The following CENPM variants were observed in gnomAD, a reference collection of about 807,000 sequenced individuals.
CENPM encodes centromere protein M, also known as interphase centromere complex protein 39.
A neutral mutation model predicts 19.6 loss-of-function variants in CENPM; 14 were observed. The ratio of observed to expected loss-of-function variants is 0.71; its 90% CI spans 0.47 to 1.11. CENPM has a LOEUF of 1.11. Ranked by LOEUF, CENPM falls within the 50% of genes most tolerant of loss-of-function variation. CENPM has a pLI of 0.00. For synonymous variants in CENPM, 114 were observed against 101.5 expected, an observed-to-expected ratio of 1.12 and a Z score of -0.74; for missense variants, 239 against 228.4, an observed-to-expected ratio of 1.05 and a Z score of -0.30.
chr22:41,928,183 G>A, the CENPM span: 1 of 427,092 alleles, frequency 2.3e-6, no homozygotes, highest in Admixed American at 2.5e-5. This position sits in a 1 kb window ranked among gnomAD's most constrained non-coding sequence, Gnocchi z 4.0. Flanking sequence ...CTATGAGTGA[G>A]GGAACTGTGA....
At chr22:41,946,295 G>T in intron 2 of CENPM, 122 bp downstream of exon 2, 1 of 840,938 alleles carries the variant, frequency 1.2e-6, no homozygotes, top group Non-Finnish European at 1.9e-6. Context: ...CAGCTACGCT[G>T]CATGCTGGGA....
chr22:41,940,721 T>C (rs2077731671), intron 5 of CENPM, among the ~76,000 whole-genome samples: 1 of 152,194 alleles, frequency 6.6e-6, no homozygotes, highest in Admixed American at 6.5e-5. Flanking sequence ...GCTGTGTCCC[T>C]GGAGCCTAGA....
At chr22:41,934,744 C>T (rs1031691679), downstream of CENPM, among the ~76,000 whole-genome samples, 4 of 152,192 alleles carry the variant, frequency 2.6e-5, no homozygotes, top group Non-Finnish European at 4.4e-5. Context: ...GTTAGCCTGG[C>T]GCCACGCTAC....
At chr22:41,937,318 T>C (rs1007780905), downstream of CENPM, among the ~76,000 whole-genome samples, 1 of 152,232 alleles carries the variant, frequency 6.6e-6, no homozygotes, top group Non-Finnish European at 1.5e-5. Context: ...TTTTTGGAGA[T>C]AGAGTCTCGC....
chr22:41,941,821 G>C (rs146473217), intron 5 of CENPM, among the ~76,000 whole-genome samples: 138 of 152,380 alleles, frequency 9.1e-4, no homozygotes, highest in African/African-American at 2.7e-3. Flanking sequence ...ATGCGTGATA[G>C]AGTCAAGTGT....
intron 4 of CENPM, chr22:41,944,597 C>T: frequency 4.5e-6 from 4 of 888,692 alleles, no homozygotes; most frequent in Non-Finnish European, 5.4e-6. Flanking sequence ...GAAAACAAAG[C>T]AATTACCGTG....
intron 5 of CENPM, among the ~76,000 whole-genome samples, chr22:41,943,208 C>T (rs1034037296): frequency 2.0e-5 from 3 of 152,186 alleles, no homozygotes; most frequent in African/African-American, 7.2e-5. Context: ...GTTAAAGAGA[C>T]GGACATACGC....
chr22:41,940,339 G>C, intron 5 of CENPM: 1 of 579,734 alleles, frequency 1.7e-6, no homozygotes, highest in South Asian at 2.1e-5. Flanking sequence ...CCACTTTCCA[G>C]CACGTCATTT....
downstream of CENPM, among the ~76,000 whole-genome samples, chr22:41,936,450 A>G (rs2146597583): frequency 6.6e-6 from 1 of 152,350 alleles, no homozygotes; most frequent in East Asian, 1.9e-4. Context: ...AGGGACTGCC[A>G]GGAAGTCAGC....
At chr22:41,946,049 C>G in intron 2 of CENPM, 44 bp from the exon 3 acceptor site, 2 of 1,510,138 alleles carry the variant, frequency 1.3e-6, no homozygotes, top group Non-Finnish European at 1.8e-6. Context: ...CCGTACCCCC[C>G]TCATAGCGAC....
the CENPM span, among the ~76,000 whole-genome samples, chr22:41,927,513 CTTTTTTTTTT>C: frequency 1.5e-5 from 2 of 129,268 alleles, no homozygotes; most frequent in Non-Finnish European, 3.2e-5. Flanking sequence ...CAGACACCTG[CTTTTTTTTTT>C]TTTTTTTTTG....
the CENPM span, chr22:41,928,239 G>A: frequency 2.4e-5 from 8 of 333,494 alleles, no homozygotes; most frequent in East Asian, 6.5e-4. The surrounding 1 kb of genome is among the most constrained non-coding windows in gnomAD (Gnocchi z 4.0). Flanking sequence ...TTTCTCCAGG[G>A]CTATGTGTCC....
intron 1 of CENPM, 94 bp downstream of exon 1, chr22:41,946,926 T>C: frequency 4.6e-6 from 6 of 1,315,990 alleles, no homozygotes; most frequent in Non-Finnish European, 6.6e-6. Flanking sequence ...TAGCGCGCGC[T>C]GGCTTGGCGC....
At chr22:41,938,236 G>A (rs1009462370), downstream of CENPM, among the ~76,000 whole-genome samples, 1 of 150,410 alleles carries the variant, frequency 6.6e-6, no homozygotes, top group Admixed American at 6.6e-5. Flanking sequence ...CCGCCTCCCA[G>A]GTTCAAGTGA....
At chr22:41,946,298 T>G in intron 2 of CENPM, 119 bp downstream of exon 2, 1 of 862,120 alleles carries the variant, frequency 1.2e-6, no homozygotes, top group East Asian at 2.6e-5. Flanking sequence ...CTACGCTGCA[T>G]GCTGGGAGAA....
At chr22:41,946,969 C>T in intron 1 of CENPM, 51 bp downstream of exon 1, 2 of 1,590,930 alleles carry the variant, frequency 1.3e-6, no homozygotes, top group Non-Finnish European at 1.7e-6. Flanking sequence ...GTGGCTGAAG[C>T]ACCGCCCAGG....
intron 4 of CENPM, among the ~76,000 whole-genome samples, chr22:41,944,419 G>A (rs185252229): frequency 4.4e-4 from 64 of 145,538 alleles, no homozygotes; most frequent in Admixed American, 4.2e-3. Context: ...CTGGGCGGCT[G>A]AGCGAGACTC....
intron 1 of CENPM, 86 bp from the exon 2 acceptor site, chr22:41,946,582 G>T (rs1011214558): frequency 5.6e-5 from 62 of 1,099,864 alleles, no homozygotes; most frequent in Non-Finnish European, 7.9e-5. Context: ...CTCCCGGGGG[G>T]ATCGGGACAC....
chr22:41,931,053 C>G, the CENPM span, among the ~76,000 whole-genome samples: 1 of 150,738 alleles, frequency 6.6e-6, no homozygotes, highest in Admixed American at 6.6e-5. Flanking sequence ...CCAGGCTGGT[C>G]TCGAACTCCT....
Sources: allele counts gnomAD v4.1 joint callset (sites outside exome capture counted in the v4.1 genomes callset), GRCh38; gene constraint gnomAD v4.1.1; non-coding constraint Gnocchi (gnomAD v3.1); transcripts MANE v1.5; gene names NCBI Gene and HGNC (gene_info 2026-07-23, HGNC 2026-07-21).